Variants in TNFSF11 observed in about 807,000 individuals in gnomAD.
TNFSF11 encodes TNF superfamily member 11, also known as tumor necrosis factor ligand superfamily member 11.
A neutral mutation model predicts 32.2 loss-of-function variants in TNFSF11; 12 were observed. The ratio of observed to expected loss-of-function variants is 0.37; its 90% CI spans 0.24 to 0.60. TNFSF11 has a LOEUF of 0.60. Among genes scored for constraint, TNFSF11 ranks in the 20% least tolerant of loss-of-function variants. The probability of loss-of-function intolerance (pLI) is 0.66; values close to 1 mark genes in which losing one functional copy is unlikely to be tolerated. For missense variants in TNFSF11, 345 were observed against 398.0 expected, an observed-to-expected ratio of 0.87 and a Z score of 1.13; for synonymous variants, 172 against 152.1, an observed-to-expected ratio of 1.13 and a Z score of -0.96.
intron 3 of TNFSF11, 23 bp downstream of exon 3, chr13:42,600,820 G>A: frequency 6.2e-7 from 1 of 1,614,076 alleles, no homozygotes; most frequent in Non-Finnish European, 8.5e-7. Context: ...CCATACATCT[G>A]TATGAAATCC....
chr13:42,576,960 A>G (rs1002484916), intron 1 of TNFSF11, among the ~76,000 whole-genome samples: 31 of 152,372 alleles, frequency 2.0e-4, no homozygotes, highest in East Asian at 1.9e-4. Flanking sequence ...GTCTTAGCTA[A>G]GAGAATAGTC....
At chr13:42,592,955 G>A (rs991497400) in intron 2 of TNFSF11, among the ~76,000 whole-genome samples, 3 of 151,980 alleles carry the variant, frequency 2.0e-5, no homozygotes, top group African/African-American at 7.3e-5. Flanking sequence ...CCAGCCATGC[G>A]GAACCGTAAG....
At chr13:42,577,443 T>C (rs971124860) in intron 1 of TNFSF11, among the ~76,000 whole-genome samples, 1 of 151,710 alleles carries the variant, frequency 6.6e-6, no homozygotes. Flanking sequence ...AAAGAGAAAA[T>C]AGTGTGTGGC....
intron 2 of TNFSF11, among the ~76,000 whole-genome samples, chr13:42,582,249 C>T (rs1359701774): frequency 6.6e-6 from 1 of 152,074 alleles, no homozygotes; most frequent in Non-Finnish European, 1.5e-5. Flanking sequence ...GGACATGTGT[C>T]AGAGGTAGAG....
chr13:42,572,655 A>G (rs1384488424), upstream of TNFSF11, among the ~76,000 whole-genome samples: 1 of 152,210 alleles, frequency 6.6e-6, no homozygotes, highest in Non-Finnish European at 1.5e-5. Context: ...CTATATATTG[A>G]TACACATATA....
chr13:42,606,682 G>A lies in TNFSF11; in HGVS notation c.718G>A (p.Val240Met), dbSNP rs2137915962. 1 of 1,614,220 alleles carries A rather than the reference G, an allele frequency of 6.2e-7. No homozygotes were observed. The change falls in exon 5 of 5, where the codon GTG (valine) becomes ATG (methionine). Residue 240 changes from valine to methionine, a missense_variant. Physicochemically the swap from Val to Met is conservative, Grantham distance 21. Transcript: ENST00000398795. ...AGCTACAGAGTATCTTCAACTAATGGTGTACGTCACTAAAACCAGCATCAA... is the reference window on the plus strand; with the variant it reads ...AGCTACAGAGTATCTTCAACTAATGATGTACGTCACTAAAACCAGCATCAA... ...DLATEYLQLM[V>M]YVTKTSIKIP... is the part of the protein sequence containing the mutation.
chr13:42,563,663 C>CA (rs34732335), intron 1 of TNFSF11, among the ~76,000 whole-genome samples: 41 of 127,316 alleles, frequency 3.2e-4, no homozygotes, highest in South Asian at 1.0e-3. Context: ...AACTCCGTCT[C>CA]AAAAAAAAAA....
At chr13:42,590,447 G>C (rs1874112743) in intron 2 of TNFSF11, among the ~76,000 whole-genome samples, 1 of 152,152 alleles carries the variant, frequency 6.6e-6, no homozygotes, top group Non-Finnish European at 1.5e-5. Context: ...TTTCTTCCTG[G>C]CCTCATGGAT....
chr13:42,606,236 G>T (rs973649618), intron 4 of TNFSF11, among the ~76,000 whole-genome samples: 2 of 152,086 alleles, frequency 1.3e-5, no homozygotes, highest in Admixed American at 6.5e-5. Flanking sequence ...AACACATATC[G>T]TACTTACCCC....
Position 42,601,168 on chromosome 13 carries a change from G to T in TNFSF11, c.532+187G>T, listed in dbSNP as rs543228769. Among the ~76,000 whole-genome samples the T allele has an allele frequency of 9.8e-5, 15 of 152,314 alleles. No individual in the cohort carries two copies. The South Asian group carries it at 2.7e-3, about 27-fold the overall frequency. On this transcript the variant is annotated intron_variant, in intron 4 of 4. Transcript: ENST00000398795. ...GAAACTGTGATTCTCAAAAATGTCAGAATGGACATCATCACCCTATTCATT... is the reference window on the plus strand; with the variant it reads ...GAAACTGTGATTCTCAAAAATGTCATAATGGACATCATCACCCTATTCATT...
intron 2 of TNFSF11, among the ~76,000 whole-genome samples, chr13:42,599,761 G>C (rs1191175470): frequency 6.6e-6 from 1 of 152,044 alleles, no homozygotes; most frequent in Non-Finnish European, 1.5e-5. Context: ...GTAGATACGG[G>C]GTTCCACTGT....
At chr13:42,566,987 G>A (rs1440004221) in intron 2 of TNFSF11, among the ~76,000 whole-genome samples, 2 of 135,044 alleles carry the variant, frequency 1.5e-5, no homozygotes, top group East Asian at 2.1e-4. Context: ...GAAGGACTCT[G>A]TCTCAAAAAA....
intron 4 of TNFSF11, among the ~76,000 whole-genome samples, chr13:42,604,444 C>T (rs1041481188): frequency 6.6e-6 from 1 of 152,174 alleles, no homozygotes; most frequent in African/African-American, 2.4e-5. Flanking sequence ...CCTGTGATGA[C>T]CCCGCTGCAG....
chr13:42,593,968 A>G lies in TNFSF11; in HGVS notation c.388-6784A>G, dbSNP rs546351629. Among the ~76,000 whole-genome samples, 32 of 152,358 alleles carry G rather than the reference A, an allele frequency of 2.1e-4. No homozygotes were observed. In the East Asian group the frequency reaches 3.5e-3, roughly 17 times the overall value. ...TCACACAATTCACATCACAATGCAC[A>G]GGTGAGATTTTCAGTCTGATAAGCC... is the stretch of plus-strand genomic sequence containing the variant. On this transcript the variant is annotated intron_variant, in intron 2 of 4. Transcript: ENST00000398795.
chr13:42,565,150 G>A (rs1342814885), intron 1 of TNFSF11, among the ~76,000 whole-genome samples: 2 of 152,120 alleles, frequency 1.3e-5, no homozygotes, highest in Admixed American at 6.5e-5. Flanking sequence ...AGAAAAGAAT[G>A]TTCATGTGGA....
intron 2 of TNFSF11, among the ~76,000 whole-genome samples, chr13:42,595,911 A>C (rs762291565): frequency 6.6e-6 from 1 of 152,276 alleles, no homozygotes; most frequent in Non-Finnish European, 1.5e-5. Context: ...ATAAAGAACT[A>C]TAGAAATTTT....
At chr13:42,570,009 C>A (rs563660967), upstream of TNFSF11, among the ~76,000 whole-genome samples, 27 of 151,866 alleles carry the variant, frequency 1.8e-4, 1 homozygote, top group South Asian at 5.4e-3. Flanking sequence ...TGTTAACATG[C>A]TAATATGGTA....
chr13:42,582,342 T>C (rs1873656835), intron 2 of TNFSF11, among the ~76,000 whole-genome samples: 1 of 152,242 alleles, frequency 6.6e-6, no homozygotes, highest in Non-Finnish European at 1.5e-5. Flanking sequence ...AAGGAAGATG[T>C]AGCTGTTTTA....
rs201471191 is a variant in TNFSF11 at position 42,574,207 on chromosome 13, C to T, written c.-97C>T. The T allele has an allele frequency of 8.8e-6, 13 of 1,482,372 alleles. No homozygotes were observed. 91.8% of individuals were successfully genotyped at this position (1,482,372 alleles called of 1,614,324 possible). On this transcript the variant is annotated 5_prime_UTR_variant, in exon 1 of 5. The change creates a new upstream start codon in the 5' untranslated region. Transcript: ENST00000398795. ...AGCCGGGCTCCAAGTCGGCGCCCCACGTCGAGGCTCCGCCGCAGCCTCCGG... is the reference window on the plus strand; with the variant it reads ...AGCCGGGCTCCAAGTCGGCGCCCCATGTCGAGGCTCCGCCGCAGCCTCCGG...
Sources: allele counts gnomAD v4.1 joint callset (sites outside exome capture counted in the v4.1 genomes callset), GRCh38; gene constraint gnomAD v4.1.1; transcripts MANE v1.5; gene names NCBI Gene and HGNC (gene_info 2026-07-23, HGNC 2026-07-21).